The following ASTN2 variants were observed in gnomAD, a reference collection of about 807,000 sequenced individuals.
The protein encoded by ASTN2 is astrotactin-2.
Under a neutral mutation model 139.8 loss-of-function variants are expected in ASTN2, and 54 were observed. That is an observed-to-expected ratio of 0.39 (90% CI 0.31 to 0.48). The LOEUF is 0.48. Ranked by LOEUF, ASTN2 falls within the 20% of genes least tolerant of loss-of-function variation. The pLI, the probability that ASTN2 is intolerant of heterozygous loss-of-function variation, is 0.95. For missense variants in ASTN2, 1,565 were observed against 1,725.1 expected (o/e 0.91, Z 1.64); for synonymous variants, 756 against 719.5 (o/e 1.05, Z -0.81).
chr9:117,338,906 C>A (rs944519838), intron 1 of ASTN2, among the ~76,000 whole-genome samples: 1 of 152,086 alleles, frequency 6.6e-6, no homozygotes, highest in African/African-American at 2.4e-5. Flanking sequence ...CAGCTGTGTG[C>A]GTAATTTTAG....
At chr9:116,878,789 G>T (rs1451587733) in intron 10 of ASTN2, among the ~76,000 whole-genome samples, 1 of 150,878 alleles carries the variant, frequency 6.6e-6, no homozygotes, top group Non-Finnish European at 1.5e-5. Context: ...TTTTGAAAAA[G>T]AAAAAAAAGT....
Position 116,508,531 on chromosome 9 carries a change from TA to T in ASTN2, c.3356-21032del, listed in dbSNP as rs141599920. 9.1e-3 allele frequency among the ~76,000 whole-genome samples: 1,379 copies of T among 152,256 alleles called. 24 individuals carry two copies. The highest frequency in any genetic ancestry group is 0.032 in the African/African-American group (1,325 of 41,542). ...TAGAGGCCTGCCATTTGGGAAGCCC[TA>T]ACCTATGAAGGTATCATCAAAACCC... On this transcript the variant is annotated intron_variant, in intron 19 of 22. Coordinates refer to ENST00000313400, the MANE Select transcript of ASTN2 (RefSeq NM_001365068.1).
At chr9:117,061,117 A>T (rs1839275963) in intron 5 of ASTN2, among the ~76,000 whole-genome samples, 1 of 151,750 alleles carries the variant, frequency 6.6e-6, no homozygotes, top group Admixed American at 6.6e-5. Flanking sequence ...GTTAGGTCAC[A>T]GTTACAAACT....
intron 7 of ASTN2, among the ~76,000 whole-genome samples, chr9:116,985,872 G>T (rs921651166): frequency 6.6e-6 from 1 of 152,150 alleles, no homozygotes; most frequent in African/African-American, 2.4e-5. Context: ...CACCAGGAAG[G>T]CATGGAGAGC....
intron 17 of ASTN2, among the ~76,000 whole-genome samples, chr9:116,633,160 C>A (rs980326726): frequency 6.6e-6 from 1 of 152,178 alleles, no homozygotes; most frequent in Admixed American, 6.5e-5. Context: ...TGATGAATAG[C>A]AGACCAATTA....
intron 10 of ASTN2, among the ~76,000 whole-genome samples, chr9:116,906,279 G>A (rs1366519391): frequency 6.6e-6 from 1 of 152,206 alleles, no homozygotes; most frequent in Non-Finnish European, 1.5e-5. Flanking sequence ...TCCTGGGAAA[G>A]TGGCCCAGAA....
At chr9:116,976,056 T>C (rs1836332839) in intron 9 of ASTN2, 58 bp downstream of exon 9, 2 of 1,527,010 alleles carry the variant, frequency 1.3e-6, no homozygotes, top group African/African-American at 1.4e-5. Flanking sequence ...GACCACATCT[T>C]CCTATCAGTC....
chr9:116,847,439 T>G (rs2132316557), intron 11 of ASTN2, among the ~76,000 whole-genome samples: 1 of 152,266 alleles, frequency 6.6e-6, no homozygotes, highest in South Asian at 2.1e-4. Context: ...CACCAAGGGC[T>G]GAGGCAAGGG....
intron 5 of ASTN2, among the ~76,000 whole-genome samples, chr9:117,056,185 T>C (rs1839058970): frequency 6.6e-6 from 1 of 152,242 alleles, no homozygotes; most frequent in Non-Finnish European, 1.5e-5. Context: ...ACTGATGATA[T>C]TGTGCCTGAT....
At chr9:117,194,555 G>A (rs570132108) in intron 3 of ASTN2, among the ~76,000 whole-genome samples, 1 of 152,270 alleles carries the variant, frequency 6.6e-6, no homozygotes, top group South Asian at 2.1e-4. Context: ...ATATGTGCAG[G>A]CTCACTGTAT....
chr9:116,775,426 G>A (rs10983344), intron 13 of ASTN2, among the ~76,000 whole-genome samples: 57,956 of 147,536 alleles, frequency 0.39, 11,382 homozygotes, highest in Middle Eastern at 0.5. Context: ...GAGAGAGGGA[G>A]AGAGGGAGGG....
Position 116,699,725 on chromosome 9 carries a change from T to A in ASTN2, c.2806+26046A>T. On this transcript the variant is annotated intron_variant, in intron 16 of 22. Coordinates refer to ENST00000313400, the MANE Select transcript of ASTN2 (RefSeq NM_001365068.1). The surrounding 1 kb of genome is among the most constrained non-coding windows in gnomAD (Gnocchi z 4.2). Reference sequence around the variant, plus strand: ...CATAGGGGATGAGAAATTATCAGTTTCTTCTGCTCCCAAGCCAACTTCCCT... The same window carrying A: ...CATAGGGGATGAGAAATTATCAGTTACTTCTGCTCCCAAGCCAACTTCCCT... 1 of 1,614,206 alleles carries A rather than the reference T, an allele frequency of 6.2e-7. No individual in the cohort carries two copies. Among genetic ancestry groups the A allele is most frequent in the Non-Finnish European group, 8.5e-7 (1 of 1,180,050 alleles).
chr9:117,082,748 A>C (rs575194598), intron 5 of ASTN2, among the ~76,000 whole-genome samples: 1 of 152,322 alleles, frequency 6.6e-6, no homozygotes, highest in South Asian at 2.1e-4. Context: ...GGTTGCAGTG[A>C]GCTGAGATTG....
In ASTN2 at chr9:116,718,967, T is replaced by TATC. The variant is rs201070601; in HGVS notation, c.2806+6801_2806+6803dup. Among the ~76,000 whole-genome samples, 786 of 101,158 alleles carry TATC rather than the reference T, an allele frequency of 7.8e-3. 27 individuals are homozygous for TATC. The highest frequency in any genetic ancestry group is 0.029 in the African/African-American group (755 of 26,414). The allele number at this position is 101,158 out of a possible 152,430, so 66.4% of individuals were successfully genotyped here. ...ATCTATATTTACATATCTATACCTG[T>TATC]ATCTGTACATATATATATATATATC... On this transcript the variant is annotated intron_variant, in intron 16 of 22. Coordinates refer to ENST00000313400, the MANE Select transcript of ASTN2 (RefSeq NM_001365068.1).
chr9:117,116,178 A>G (rs1587980053), intron 4 of ASTN2, among the ~76,000 whole-genome samples: 1 of 152,022 alleles, frequency 6.6e-6, no homozygotes, highest in African/African-American at 2.4e-5. Context: ...GCAGGGCCTC[A>G]CTCCTATCTC....
chr9:116,467,292 G>C (rs549889001), intron 20 of ASTN2, among the ~76,000 whole-genome samples: 2 of 152,222 alleles, frequency 1.3e-5, no homozygotes, highest in East Asian at 1.9e-4. Flanking sequence ...TTTTGAGACA[G>C]AGTCTCGCTC....
intron 2 of ASTN2, among the ~76,000 whole-genome samples, chr9:117,289,348 C>T (rs1834528627): frequency 6.6e-6 from 1 of 152,162 alleles, no homozygotes; most frequent in Admixed American, 6.5e-5. Flanking sequence ...CAGGGAATTT[C>T]AGTGACATCT....
intron 10 of ASTN2, among the ~76,000 whole-genome samples, chr9:116,946,443 ACTGT>A (rs1455090850): frequency 6.6e-6 from 1 of 151,730 alleles, no homozygotes; most frequent in Non-Finnish European, 1.5e-5. Flanking sequence ...TCCTTCTTTC[ACTGT>A]CTTTTTAAAT....
rs10983196 is a variant in ASTN2, at chr9:116,497,662, T to G, written c.3356-10162A>C. Among the ~76,000 whole-genome samples the G allele has an allele frequency of 0.019, 2,834 of 152,202 alleles. 379 individuals carry two copies. The South Asian group carries it at 0.27, about 15-fold the overall frequency. On this transcript the variant is annotated intron_variant, in intron 19 of 22. Coordinates refer to ENST00000313400, the MANE Select transcript of ASTN2 (RefSeq NM_001365068.1). ...CTGGAGGACAAATGATGCTAATGCA[T>G]TTGGCTGCAGCGGGTATTGCTAACA... is the stretch of plus-strand genomic sequence containing the variant.
Sources: gnomAD v4.1 joint callset for allele counts (sites outside exome capture counted in the v4.1 genomes callset) on GRCh38, gnomAD v4.1.1 for gene constraint, Gnocchi (gnomAD v3.1) non-coding constraint, MANE v1.5 for transcripts, NCBI Gene and HGNC (gene_info 2026-07-23, HGNC 2026-07-21) for gene names.